The following DCP1A variants were observed in gnomAD, a reference collection of about 807,000 sequenced individuals.
DCP1A encodes decapping mRNA 1A.
DCP1A carries 20 observed loss-of-function variants against 58.0 expected under a neutral mutation model. The ratio of observed to expected loss-of-function variants is 0.34; its 90% CI spans 0.24 to 0.50. The LOEUF is 0.50. Among genes scored for constraint, DCP1A ranks in the 20% least tolerant of loss-of-function variants. DCP1A has a pLI of 0.98. For synonymous variants in DCP1A, 285 were observed against 275.1 expected, an observed-to-expected ratio of 1.04 and a Z score of -0.36; for missense variants, 613 against 712.2, an observed-to-expected ratio of 0.86 and a Z score of 1.59.
intron 3 of DCP1A, among the ~76,000 whole-genome samples, chr3:53,320,396 C>G (rs1411261504): frequency 1.3e-5 from 2 of 150,448 alleles, no homozygotes; most frequent in African/African-American, 4.9e-5. Flanking sequence ...GAGTAGAATA[C>G]TGAACATACA....
At chr3:53,307,614 C>T (rs1707515216) in intron 5 of DCP1A, among the ~76,000 whole-genome samples, 1 of 152,096 alleles carries the variant, frequency 6.6e-6, no homozygotes, top group African/African-American at 2.4e-5. Context: ...TTGTGCAGGG[C>T]CTTTCTTGGA....
At chr3:53,304,111 T>A (rs1707392952) in intron 6 of DCP1A, 66 bp downstream of exon 6, 8 of 1,241,800 alleles carry the variant, frequency 6.4e-6, no homozygotes, top group Non-Finnish European at 9.3e-6. Flanking sequence ...CTTGCACTCA[T>A]TAGAATCCTT....
At chr3:53,290,904 T>A in intron 7 of DCP1A, 48 bp from the exon 8 acceptor site, 1 of 1,473,704 alleles carries the variant, frequency 6.8e-7, no homozygotes, top group Non-Finnish European at 9.3e-7. Context: ...AAGTTTCAAT[T>A]AAGAAGACTT....
At chr3:53,346,176 A>G (rs2089289603) in intron 1 of DCP1A, among the ~76,000 whole-genome samples, 1 of 152,216 alleles carries the variant, frequency 6.6e-6, no homozygotes, top group Non-Finnish European at 1.5e-5. Context: ...AGATTCATAA[A>G]ATTTCAAACT....
intron 5 of DCP1A, among the ~76,000 whole-genome samples, chr3:53,309,949 C>T (rs969861648): frequency 1.3e-4 from 20 of 152,100 alleles, no homozygotes; most frequent in African/African-American, 4.3e-4. Flanking sequence ...ACAAAGGGGC[C>T]GTCTGAAAAA....
At chr3:53,315,671 G>A (rs1178624785) in intron 4 of DCP1A, among the ~76,000 whole-genome samples, 1 of 150,862 alleles carries the variant, frequency 6.6e-6, no homozygotes, top group Non-Finnish European at 1.5e-5. Flanking sequence ...ATGACATAGG[G>A]TCTAGAAGCT....
At chr3:53,343,555 A>AT (rs2089246477) in intron 2 of DCP1A, among the ~76,000 whole-genome samples, 1 of 152,204 alleles carries the variant, frequency 6.6e-6, no homozygotes, top group African/African-American at 2.4e-5. Context: ...GTTTCTAGAG[A>AT]TTTATATTGC....
chr3:53,312,168 A>C, intron 5 of DCP1A, 73 bp downstream of exon 5: 1 of 1,468,232 alleles, frequency 6.8e-7, no homozygotes, highest in Non-Finnish European at 9.1e-7. Context: ...CCCTAGTAAA[A>C]TAGTCTCCTG....
intron 6 of DCP1A, among the ~76,000 whole-genome samples, chr3:53,294,046 G>C (rs565229152): frequency 1.3e-5 from 2 of 152,346 alleles, no homozygotes; most frequent in Non-Finnish European, 2.9e-5. Flanking sequence ...CAGCCACTGA[G>C]AGCCACACGT....
intron 6 of DCP1A, among the ~76,000 whole-genome samples, chr3:53,302,150 A>C (rs1707329283): frequency 6.6e-6 from 1 of 152,160 alleles, no homozygotes; most frequent in South Asian, 2.1e-4. Flanking sequence ...TCTGAACAAC[A>C]TGTGTGGATT....
At chr3:53,303,765 G>A (rs574571313) in intron 6 of DCP1A, among the ~76,000 whole-genome samples, 1 of 152,346 alleles carries the variant, frequency 6.6e-6, no homozygotes, top group South Asian at 2.1e-4. Flanking sequence ...CTGGAGCCAG[G>A]TGAGCAATGC....
intron 5 of DCP1A, among the ~76,000 whole-genome samples, chr3:53,308,623 T>A (rs1404445020): frequency 6.6e-6 from 1 of 151,928 alleles, no homozygotes; most frequent in Non-Finnish European, 1.5e-5. Flanking sequence ...AGAAACAGAG[T>A]CTTGCTGTCA....
intron 6 of DCP1A, among the ~76,000 whole-genome samples, chr3:53,296,263 T>C (rs1707124420): frequency 1.3e-5 from 2 of 152,184 alleles, no homozygotes; most frequent in African/African-American, 2.4e-5. Context: ...TGGAATATCA[T>C]ATCCCACAAT....
At chr3:53,311,028 C>T (rs1347185577) in intron 5 of DCP1A, among the ~76,000 whole-genome samples, 1 of 152,160 alleles carries the variant, frequency 6.6e-6, no homozygotes, top group Non-Finnish European at 1.5e-5. Context: ...TATTGTTTTA[C>T]TTATTGCAGG....
In DCP1A at chr3:53,337,034, T is replaced by C. The variant is rs150936815; in HGVS notation, c.304+5110A>G. On this transcript the variant is annotated intron_variant, in intron 3 of 9. Coordinates refer to ENST00000610213, the MANE Select transcript of DCP1A (RefSeq NM_018403.7). Reference sequence around the variant, plus strand: ...ACAGGCGTGCACCACCATGTCCGGCTAATTTTTTTGTATTTTTAGTAGAGA... The same window carrying C: ...ACAGGCGTGCACCACCATGTCCGGCCAATTTTTTTGTATTTTTAGTAGAGA... Among the ~76,000 whole-genome samples the C allele has an allele frequency of 9.5e-3, 1,443 of 151,984 alleles. 23 individuals are homozygous for C. Among genetic ancestry groups the C allele is most frequent in the African/African-American group, 0.033 (1,380 of 41,458 alleles).
intron 3 of DCP1A, among the ~76,000 whole-genome samples, chr3:53,338,678 G>A (rs1254551551): frequency 1.3e-5 from 2 of 151,846 alleles, no homozygotes; most frequent in African/African-American, 4.8e-5. Context: ...TAGCTAACAC[G>A]GTGAAACCCC....
intron 4 of DCP1A, among the ~76,000 whole-genome samples, chr3:53,316,596 CTTTTT>C (rs11351636): frequency 1.1e-4 from 12 of 112,300 alleles, no homozygotes; most frequent in South Asian, 3.2e-4. Context: ...TTCTTCTTCC[CTTTTT>C]TTTTTTTTTT....
Position 53,287,223 on chromosome 3 carries a change from G to A in DCP1A, c.*357C>T, listed in dbSNP as rs1199585992. ...GGGCTGAACTTCTGCTGTGAGGCTGGTGACTACTCCTCTGTAAGTCCTTGA... is the reference window on the plus strand; with the variant it reads ...GGGCTGAACTTCTGCTGTGAGGCTGATGACTACTCCTCTGTAAGTCCTTGA... On this transcript the variant is annotated 3_prime_UTR_variant, in exon 10 of 10. Transcript: ENST00000610213. 5.4e-6 allele frequency: 1 copy of A among 183,832 alleles called. No homozygotes were observed. Among genetic ancestry groups the A allele is most frequent in the African/African-American group, 2.4e-5 (1 of 42,116 alleles). The allele number at this position is 183,832 out of a possible 1,614,324, so 11.4% of individuals were successfully genotyped here.
chr3:53,312,130 T>C lies in DCP1A; in HGVS notation c.510+111A>G, dbSNP rs79106338. 8.6e-4 allele frequency: 1,077 copies of C among 1,245,174 alleles called. 3 individuals carry two copies. The highest frequency in any genetic ancestry group is 1.5e-3 in the Middle Eastern group (5 of 3,372). 77.1% of individuals were successfully genotyped at this position (1,245,174 alleles called of 1,614,324 possible). Reference sequence around the variant, plus strand: ...CTAACACGCTCTCTTTTTGAACTTATATTTCTGCCGTCCCTGGAGGCCAGC... The same window carrying C: ...CTAACACGCTCTCTTTTTGAACTTACATTTCTGCCGTCCCTGGAGGCCAGC... On this transcript the variant is annotated intron_variant, in intron 5 of 9. Transcript: ENST00000610213.
Sources: gnomAD v4.1 joint callset for allele counts (sites outside exome capture counted in the v4.1 genomes callset) on GRCh38, gnomAD v4.1.1 for gene constraint, MANE v1.5 for transcripts, NCBI Gene and HGNC (gene_info 2026-07-23, HGNC 2026-07-21) for gene names.